Variants in PXDNL observed in about 807,000 individuals in gnomAD.
PXDNL encodes peroxidasin like, also known as probable oxidoreductase PXDNL.
A neutral mutation model predicts 150.8 loss-of-function variants in PXDNL; 145 were observed. That is an observed-to-expected ratio of 0.96 (90% CI 0.84 to 1.10). The LOEUF is 1.10. Among genes scored for constraint, PXDNL ranks in the 50% least tolerant of loss-of-function variants. PXDNL has a pLI of 0.00. For missense variants in PXDNL, 2,087 were observed against 1,873.9 expected, an observed-to-expected ratio of 1.11 and a Z score of -2.10; for synonymous variants, 757 against 725.7, an observed-to-expected ratio of 1.04 and a Z score of -0.69.
At chr8:51,691,975 CATAGGTAGAACCA>C (rs1398489534) in intron 1 of PXDNL, among the ~76,000 whole-genome samples, 6 of 152,124 alleles carry the variant, frequency 3.9e-5, no homozygotes, top group African/African-American at 1.2e-4. Context: ...TTGAATTGTT[CATAGGTAGAACCA>C]ATACAACCAT....
chr8:51,539,835 CT>C (rs1292441656), intron 4 of PXDNL, among the ~76,000 whole-genome samples: 1 of 151,820 alleles, frequency 6.6e-6, no homozygotes, highest in Non-Finnish European at 1.5e-5. Context: ...TATCTTCTTC[CT>C]TTTTTATGGT....
chr8:51,560,109 G>A (rs114069229), intron 3 of PXDNL, among the ~76,000 whole-genome samples: 2,385 of 151,728 alleles, frequency 0.016, 66 homozygotes, highest in African/African-American at 0.054. Flanking sequence ...TTAACCAAGC[G>A]GGTTAAAGAC....
At chr8:51,592,474 C>T (rs1398407157) in intron 3 of PXDNL, among the ~76,000 whole-genome samples, 153 bp downstream of exon 3, 3 of 152,200 alleles carry the variant, frequency 2.0e-5, no homozygotes, top group East Asian at 1.9e-4. Context: ...ATTTATTGCA[C>T]TTAAGACATG....
chr8:51,739,727 T>C (rs2036883207), intron 1 of PXDNL, among the ~76,000 whole-genome samples: 1 of 151,752 alleles, frequency 6.6e-6, no homozygotes, highest in African/African-American at 2.4e-5. Context: ...AAATAAAAAA[T>C]TAGCTGGGCA....
At chr8:51,664,699 C>G (rs1815344087) in intron 1 of PXDNL, among the ~76,000 whole-genome samples, 1 of 152,114 alleles carries the variant, frequency 6.6e-6, no homozygotes, top group South Asian at 2.1e-4. Context: ...ATCCTCCCAG[C>G]CTGGTTCTTG....
intron 1 of PXDNL, among the ~76,000 whole-genome samples, chr8:51,696,160 G>A (rs1816119536): frequency 6.6e-6 from 1 of 152,204 alleles, no homozygotes; most frequent in East Asian, 1.9e-4. Context: ...GACCCTGGCT[G>A]CTGTGGACTT....
intron 1 of PXDNL, among the ~76,000 whole-genome samples, chr8:51,693,073 C>A (rs1816034248): frequency 6.6e-6 from 1 of 152,196 alleles, no homozygotes; most frequent in Non-Finnish European, 1.5e-5. Flanking sequence ...TCAAAGAGAT[C>A]AGAGCCTCTA....
At chr8:51,547,056 T>C (rs868116895) in intron 4 of PXDNL, among the ~76,000 whole-genome samples, 2 of 152,290 alleles carry the variant, frequency 1.3e-5, no homozygotes, top group Middle Eastern at 6.8e-3. Context: ...GATGGTTTTC[T>C]CTACCTGCCC....
At chr8:51,486,521 G>A (rs949210160) in intron 5 of PXDNL, among the ~76,000 whole-genome samples, 1 of 151,640 alleles carries the variant, frequency 6.6e-6, no homozygotes, top group African/African-American at 2.4e-5. Context: ...TACTATCCCA[G>A]TAGTATTCAG....
At chr8:51,683,153 C>CAAT (rs1204565479) in intron 1 of PXDNL, among the ~76,000 whole-genome samples, 10 of 67,362 alleles carry the variant, frequency 1.5e-4, no homozygotes, top group African/African-American at 5.3e-4. Context: ...TTACTAACAC[C>CAAT]AATTGTCTTT....
intron 17 of PXDNL, among the ~76,000 whole-genome samples, chr8:51,377,262 T>G (rs200377625): frequency 6.9e-5 from 1 of 14,598 alleles, no homozygotes; most frequent in African/African-American, 9.1e-5. Flanking sequence ...TTCTAGGGGA[T>G]TTTTTTTTTT....
At chr8:51,530,343 C>T (rs1460026814) in intron 4 of PXDNL, among the ~76,000 whole-genome samples, 2 of 152,056 alleles carry the variant, frequency 1.3e-5, no homozygotes, top group African/African-American at 4.8e-5. Context: ...ATCTGTCTTC[C>T]TTACCTTCAA....
chr8:51,492,635 A>G (rs1467731423), intron 5 of PXDNL, among the ~76,000 whole-genome samples: 1 of 152,168 alleles, frequency 6.6e-6, no homozygotes, highest in African/African-American at 2.4e-5. Flanking sequence ...AGGAGATTGT[A>G]TCCCGCACCT....
chr8:51,469,946 GAT>G (rs992895045), intron 8 of PXDNL, among the ~76,000 whole-genome samples: 3 of 151,734 alleles, frequency 2.0e-5, no homozygotes, highest in African/African-American at 7.3e-5. Context: ...TTTCTTTTTA[GAT>G]TTCTTTGTTT....
chr8:51,638,211 G>A (rs530786201), intron 2 of PXDNL, among the ~76,000 whole-genome samples: 138 of 152,230 alleles, frequency 9.1e-4, no homozygotes, highest in Admixed American at 3.0e-3. Flanking sequence ...CACTAAACAT[G>A]GAAAGGAACA....
chr8:51,376,737 T>TTTTTTTTTTTTTTTTTTTTG (rs1807323832), intron 17 of PXDNL, among the ~76,000 whole-genome samples: 1 of 151,142 alleles, frequency 6.6e-6, no homozygotes, highest in Non-Finnish European at 1.5e-5. Flanking sequence ...TTTTTTTTTT[T>TTTTTTTTTTTTTTTTTTTTG]ATACGGAGTC....
At chr8:51,416,272 T>C (rs1366964841) in intron 14 of PXDNL, among the ~76,000 whole-genome samples, 1 of 152,210 alleles carries the variant, frequency 6.6e-6, no homozygotes, top group Non-Finnish European at 1.5e-5. Context: ...ATAGTGCTAT[T>C]GAGATGCCAA....
At chr8:51,484,733 C>T (rs12545017) in intron 5 of PXDNL, among the ~76,000 whole-genome samples, 30,083 of 152,044 alleles carry the variant, frequency 0.2, 3,235 homozygotes, top group African/African-American at 0.26. Context: ...GCCTCAGTAC[C>T]TCTCCCTCTC....
intron 2 of PXDNL, among the ~76,000 whole-genome samples, chr8:51,633,741 G>A (rs892037869): frequency 3.3e-5 from 5 of 152,126 alleles, no homozygotes; most frequent in African/African-American, 1.2e-4. Flanking sequence ...TAGTGACGTG[G>A]AGCATTTTTT....
Sources: gnomAD v4.1 joint callset for allele counts (sites outside exome capture counted in the v4.1 genomes callset) on GRCh38, gnomAD v4.1.1 for gene constraint, MANE v1.5 for transcripts, NCBI Gene and HGNC (gene_info 2026-07-23, HGNC 2026-07-21) for gene names.